The following MAS1 variants were observed in gnomAD, a reference collection of about 807,000 sequenced individuals.
MAS1 encodes the protein MAS1 proto-oncogene, G protein-coupled receptor.
For synonymous variants in MAS1, 163 were observed against 164.2 expected (o/e 0.99, Z 0.05); for missense variants, 387 against 409.7 (o/e 0.94, Z 0.48).
Position 159,907,403 on chromosome 6 carries a change from G to A in MAS1, c.448G>A (p.Ala150Thr), listed in dbSNP as rs1562312410. ...YRCHRPKYQSALVCALLWALS... is the reference protein window; with the variant it reads ...YRCHRPKYQSTLVCALLWALS... ...ATGCCATCGCCCCAAGTACCAGTCGGCATTGGTCTGTGCCCTTCTGTGGGC... is the reference window on the plus strand; with the variant it reads ...ATGCCATCGCCCCAAGTACCAGTCGACATTGGTCTGTGCCCTTCTGTGGGC... Residue 150 changes from alanine to threonine, a missense_variant, in exon 3 of 3, where the codon GCA (alanine) becomes ACA (threonine). Transcript: ENST00000674077. 3.1e-6 allele frequency: 5 copies of A among 1,614,110 alleles called. No homozygotes were observed. The highest frequency in any genetic ancestry group is 3.4e-6 in the Non-Finnish European group (4 of 1,180,030).
rs1397936110 is a variant in MAS1, at chr6:159,909,270, C to T, written c.*1337C>T. The T allele has an allele frequency of 2.0e-5, 3 of 152,188 alleles. No individual in the cohort carries two copies. Among genetic ancestry groups the T allele is most frequent in the African/African-American group, 7.2e-5 (3 of 41,440 alleles). The allele number at this position is 152,188 out of a possible 1,614,324, so 9.4% of individuals were successfully genotyped here. On this transcript the variant is annotated 3_prime_UTR_variant, in exon 3 of 3. Coordinates refer to ENST00000674077, the MANE Select transcript of MAS1 (RefSeq NM_002377.4). The stretch of plus-strand genomic sequence containing the variant: ...AAGGGCAATATGTCACATGATTCTA[C>T]AGGTTGTAAAATGTTCAAGTCCATA...
In MAS1 at chr6:159,907,562, A is replaced by T. The variant is rs1782908478; in HGVS notation, c.607A>T (p.Met203Leu). Residue 203 changes from methionine to leucine, a missense_variant, in exon 3 of 3, where the codon ATG (methionine) becomes TTG (leucine). Coordinates refer to ENST00000674077, the MANE Select transcript of MAS1 (RefSeq NM_002377.4). ...ILSFLVFTPL[M>L]LVSSTILVVK... ...GAGCTTCCTGGTCTTCACGCCCCTC[A>T]TGCTGGTGTCCAGCACCATCTTGGT... 1 of 1,613,894 alleles carries T rather than the reference A, an allele frequency of 6.2e-7. No individual in the cohort carries two copies. The highest frequency in any genetic ancestry group is 8.5e-7 in the Non-Finnish European group (1 of 1,180,006).
At chr6:159,893,835 A>G (rs549200976) in intron 1 of MAS1, among the ~76,000 whole-genome samples, 3 of 152,218 alleles carry the variant, frequency 2.0e-5, no homozygotes, top group Middle Eastern at 3.4e-3. Context: ...GCTTCTAAAT[A>G]TAATTATTTA....
At chr6:159,900,304 C>T (rs1387454087) in intron 2 of MAS1, among the ~76,000 whole-genome samples, 1 of 152,194 alleles carries the variant, frequency 6.6e-6, no homozygotes, top group African/African-American at 2.4e-5. Context: ...CTTCTACTCT[C>T]CTCACACTTC....
intron 1 of MAS1, among the ~76,000 whole-genome samples, chr6:159,892,053 C>T (rs1782705062): frequency 6.6e-6 from 1 of 152,104 alleles, no homozygotes; most frequent in Non-Finnish European, 1.5e-5. Flanking sequence ...CCTTAGGGGA[C>T]AAAATCACCT....
rs1783001431 is a variant in MAS1 at position 159,914,712 on chromosome 6, A to G, written c.*6779A>G. ...GTGCACCAGTACACCAGTTGCTGCA[A>G]TCAGTGCTTGGCTTTTTGTCCCCAG... On this transcript the variant is annotated 3_prime_UTR_variant, in exon 3 of 3. Coordinates refer to ENST00000674077, the MANE Select transcript of MAS1 (RefSeq NM_002377.4). The G allele has an allele frequency of 1.3e-5, 2 of 152,292 alleles. No individual in the cohort carries two copies. Among genetic ancestry groups the G allele is most frequent in the African/African-American group, 4.8e-5 (2 of 41,434 alleles). The allele number at this position is 152,292 out of a possible 1,614,324, so 9.4% of individuals were successfully genotyped here. A position where few individuals can be genotyped will look rare whatever the true frequency, so the allele number is the denominator to read the frequency against.
intron 1 of MAS1, among the ~76,000 whole-genome samples, chr6:159,898,616 T>TCTTCCTCCTC (rs1782784538): frequency 1.7e-5 from 1 of 57,816 alleles, no homozygotes; most frequent in Non-Finnish European, 3.3e-5. Flanking sequence ...TCCTCCTCCT[T>TCTTCCTCCTC]CCTCCTCCTC....
rs1323727971 is a variant in MAS1 at position 159,916,714 on chromosome 6, C to T, written c.*8781C>T. 2.0e-5 allele frequency among the ~76,000 whole-genome samples: 3 copies of T among 151,986 alleles called. No individual in the cohort carries two copies. Among genetic ancestry groups the T allele is most frequent in the South Asian group, 2.1e-4 (1 of 4,828 alleles). Reference sequence around the variant, plus strand: ...AAGACACGAGGCCAATTCAACAACCCACCTCAAACCTGTATTTGCAAGTGA... The same window carrying T: ...AAGACACGAGGCCAATTCAACAACCTACCTCAAACCTGTATTTGCAAGTGA... On this transcript the variant is annotated 3_prime_UTR_variant, in exon 3 of 3. Coordinates refer to ENST00000674077, the MANE Select transcript of MAS1 (RefSeq NM_002377.4).
At chr6:159,899,882 C>A (rs1318334347) in intron 2 of MAS1, among the ~76,000 whole-genome samples, 1 of 151,870 alleles carries the variant, frequency 6.6e-6, no homozygotes, top group Non-Finnish European at 1.5e-5. Context: ...CCCGTCTCTA[C>A]TAAAAATACA....
Position 159,907,418 on chromosome 6 carries a change from C to T in MAS1, c.463C>T (p.Leu155Phe), listed in dbSNP as rs145329855. ...GTACCAGTCGGCATTGGTCTGTGCC[C>T]TTCTGTGGGCTCTTTCTTGCTTGGT... ...PKYQSALVCA[L>F]LWALSCLVTT... The change falls in exon 3 of 3, where the codon CTT (leucine) becomes TTT (phenylalanine). Residue 155 changes from leucine (L) to phenylalanine (F), a missense_variant. Physicochemically the swap from Leu to Phe is conservative, Grantham distance 22. Coordinates refer to ENST00000674077, the MANE Select transcript of MAS1 (RefSeq NM_002377.4). 1.2e-5 allele frequency: 20 copies of T among 1,614,090 alleles called. No homozygotes were observed. Among genetic ancestry groups the T allele is most frequent in the Non-Finnish European group, 1.6e-5 (19 of 1,180,036 alleles).
chr6:159,894,571 T>C (rs1274416382), intron 1 of MAS1, among the ~76,000 whole-genome samples: 7 of 152,046 alleles, frequency 4.6e-5, no homozygotes, highest in Non-Finnish European at 1.0e-4. Context: ...TCTGGCATCA[T>C]CTCGGAGACA....
At chr6:159,893,252 C>G (rs1782720495) in intron 1 of MAS1, among the ~76,000 whole-genome samples, 1 of 152,170 alleles carries the variant, frequency 6.6e-6, no homozygotes, top group African/African-American at 2.4e-5. Flanking sequence ...GGCAGCCACG[C>G]CGGGGTGAGG....
chr6:159,906,763 C>CATTGGT, intron 2 of MAS1, 157 bp from the exon 3 acceptor site: 1 of 596,886 alleles, frequency 1.7e-6, no homozygotes, highest in Non-Finnish European at 2.9e-6. Flanking sequence ...GTCCTAAAGG[C>CATTGGT]CTAATCTTAT....
At chr6:159,903,105 C>T (rs1363243585) in intron 2 of MAS1, among the ~76,000 whole-genome samples, 1 of 152,168 alleles carries the variant, frequency 6.6e-6, no homozygotes, top group African/African-American at 2.4e-5. Flanking sequence ...CCTCCTTCCC[C>T]TTCAGTGCCT....
At chr6:159,895,989 T>C (rs928141366) in intron 1 of MAS1, among the ~76,000 whole-genome samples, 1 of 152,200 alleles carries the variant, frequency 6.6e-6, no homozygotes, top group East Asian at 1.9e-4. Flanking sequence ...CAAATGGATA[T>C]GTCCAAGGCT....
chr6:159,913,485 G>C lies in MAS1; in HGVS notation c.*5552G>C, dbSNP rs887035725. Reference sequence around the variant, plus strand: ...AGTTTCTCATTTGGCGTCTCTTGTAGTTGTAGTGAGTTGTTGGCTGAGGCA... The same window carrying C: ...AGTTTCTCATTTGGCGTCTCTTGTACTTGTAGTGAGTTGTTGGCTGAGGCA... On this transcript the variant is annotated 3_prime_UTR_variant, in exon 3 of 3. Coordinates refer to ENST00000674077, the MANE Select transcript of MAS1 (RefSeq NM_002377.4). 7.2e-5 allele frequency: 11 copies of C among 152,238 alleles called. No homozygotes were observed. The highest frequency in any genetic ancestry group is 2.9e-5 in the Non-Finnish European group (2 of 68,050). 9.4% of individuals were successfully genotyped at this position (152,238 alleles called of 1,614,324 possible).
intron 1 of MAS1, among the ~76,000 whole-genome samples, chr6:159,897,149 C>T (rs1782763214): frequency 6.6e-6 from 1 of 152,182 alleles, no homozygotes; most frequent in African/African-American, 2.4e-5. Context: ...GCTGGGATTA[C>T]AGGCCTGAGC....
At position 159,912,183 on chromosome 6, in the gene MAS1, A is replaced by T. The variant is rs966925334; in HGVS notation, c.*4250A>T. The T allele has an allele frequency of 5.9e-5, 9 of 152,264 alleles. No homozygotes were observed. The highest frequency in any genetic ancestry group is 2.2e-4 in the African/African-American group (9 of 41,460). 9.4% of individuals were successfully genotyped at this position (152,264 alleles called of 1,614,324 possible). A position where few individuals can be genotyped will look rare whatever the true frequency, so the allele number is the denominator to read the frequency against. Reference sequence around the variant, plus strand: ...CAGCCATCCCCTCTCTTTGTGCCTCACAGCTCCAGTGACTGATGGAGATGG... The same window carrying T: ...CAGCCATCCCCTCTCTTTGTGCCTCTCAGCTCCAGTGACTGATGGAGATGG... On this transcript the variant is annotated 3_prime_UTR_variant, in exon 3 of 3. Transcript: ENST00000674077.
In MAS1 at chr6:159,906,195, C is replaced by T. The variant is rs73588528; in HGVS notation, c.-36-725C>T. 7.4e-4 allele frequency among the ~76,000 whole-genome samples: 113 copies of T among 152,262 alleles called. 1 individual carries two copies. Among genetic ancestry groups the T allele is most frequent in the African/African-American group, 2.0e-3 (84 of 41,550 alleles). On this transcript the variant is annotated intron_variant, in intron 2 of 2. Transcript: ENST00000674077. The stretch of plus-strand genomic sequence containing the variant: ...TCTGGCATCTGGCGATGGTGTTTCC[C>T]GCACCATCTGGCCTGTGGTCTGTGG...
Sources: allele counts gnomAD v4.1 joint callset (sites outside exome capture counted in the v4.1 genomes callset), GRCh38; gene constraint gnomAD v4.1.1; transcripts MANE v1.5; gene names NCBI Gene and HGNC (gene_info 2026-07-23, HGNC 2026-07-21).